DLC1: variants seen among roughly 807,000 people sequenced by gnomAD.
DLC1 encodes rho GTPase-activating protein 7.
DLC1 carries 54 observed loss-of-function variants against 140.3 expected under a neutral mutation model. That is an observed-to-expected ratio of 0.38 (90% confidence interval 0.31 to 0.48). The LOEUF is 0.48. Among genes scored for constraint, DLC1 ranks in the 20% least tolerant of loss-of-function variants. The pLI is 0.96. For missense variants in DLC1, 2,536 were observed against 1,907.0 expected (o/e 1.33, Z -6.14); for synonymous variants, 986 against 728.1 (o/e 1.35, Z -5.70).
At chr8:13,255,005 C>T (rs1475303369) in intron 5 of DLC1, among the ~76,000 whole-genome samples, 4 of 150,766 alleles carry the variant, frequency 2.7e-5, no homozygotes, top group African/African-American at 9.8e-5. Flanking sequence ...GAGATGGAGT[C>T]CCACTCTGTT....
At position 13,553,511 on chromosome 8, in the gene DLC1, T is replaced by G. The variant is rs188487884; in HGVS notation, c.-126+51026A>C. On this transcript the variant is annotated intron_variant, in intron 1 of 1. Transcript: ENST00000631382. ...TTTCCATTTTCTTCCCGGTTTTTAATTTTTAAATTAAAAATAAACTTGTGG... is the reference window on the plus strand; with the variant it reads ...TTTCCATTTTCTTCCCGGTTTTTAAGTTTTAAATTAAAAATAAACTTGTGG... Among the ~76,000 whole-genome samples, 3 of 151,982 alleles carry G rather than the reference T, an allele frequency of 2.0e-5. No homozygotes were observed. In the East Asian group the frequency reaches 5.8e-4, roughly 30 times the overall value.
chr8:13,147,206 G>A (rs956369150), intron 5 of DLC1, among the ~76,000 whole-genome samples: 9 of 152,288 alleles, frequency 5.9e-5, no homozygotes, highest in South Asian at 2.1e-4. Context: ...AAGTAAGACT[G>A]CCAGTCTCCT....
chr8:13,580,169 C>G lies in DLC1; in HGVS notation c.-126+24368G>C, dbSNP rs373469829. Among the ~76,000 whole-genome samples the G allele has an allele frequency of 1.4e-3, 205 of 149,962 alleles. 1 individual carries two copies. Among genetic ancestry groups the G allele is most frequent in the African/African-American group, 4.8e-3 (194 of 40,726 alleles). On this transcript the variant is annotated intron_variant, in intron 1 of 1. Transcript: ENST00000631382. ...ACAGAGTTTTGCTCTGTTGTCCAGG[C>G]TGGAGTGCAGTGGCGCAATCTCGGC... is the stretch of plus-strand genomic sequence containing the variant.
At chr8:13,588,789 TAGG>T (rs1805418237) in intron 1 of DLC1, among the ~76,000 whole-genome samples, 1 of 152,064 alleles carries the variant, frequency 6.6e-6, no homozygotes, top group African/African-American at 2.4e-5. Flanking sequence ...TTTATTAGAC[TAGG>T]AGAAGCATAG....
chr8:13,170,695 A>AGT, intron 5 of DLC1, among the ~76,000 whole-genome samples: 1 of 145,080 alleles, frequency 6.9e-6, no homozygotes, highest in Non-Finnish European at 1.5e-5. Context: ...GCGCCACTGC[A>AGT]CTCCAGCCTG....
At chr8:13,297,228 A>T (rs1227197820) in intron 5 of DLC1, among the ~76,000 whole-genome samples, 1 of 140,720 alleles carries the variant, frequency 7.1e-6, no homozygotes, top group African/African-American at 2.6e-5. Flanking sequence ...ATGTGTGGGC[A>T]TACCCTAAAT....
chr8:13,253,431 A>ATGTGTGTG (rs3065442), intron 5 of DLC1, among the ~76,000 whole-genome samples: 2,484 of 149,832 alleles, frequency 0.017, 36 homozygotes, highest in African/African-American at 0.036. Context: ...AATACATATT[A>ATGTGTGTG]TGTGTGTGTG....
chr8:13,532,435 A>T lies in DLC1; in HGVS notation c.-125-32239T>A, dbSNP rs560071241. Among the ~76,000 whole-genome samples the T allele has an allele frequency of 2.0e-5, 3 of 152,346 alleles. No homozygotes were observed. In the East Asian group the frequency reaches 5.8e-4, roughly 29 times the overall value. On this transcript the variant is annotated intron_variant, in intron 1 of 1. Coordinates refer to the DLC1 transcript ENST00000631382. Reference sequence around the variant, plus strand: ...GGCAAAACACAGCAAATGTTGTTGTAAGCCTGGTAAGAATTCTGAGAGGAA... The same window carrying T: ...GGCAAAACACAGCAAATGTTGTTGTTAGCCTGGTAAGAATTCTGAGAGGAA...
intron 6 of DLC1, among the ~76,000 whole-genome samples, chr8:13,111,613 G>A (rs1820118978): frequency 6.6e-6 from 1 of 152,178 alleles, no homozygotes; most frequent in Non-Finnish European, 1.5e-5. Context: ...ATATACCCAA[G>A]AAAAGGAGAG....
intron 1 of DLC1, among the ~76,000 whole-genome samples, chr8:13,570,902 T>A (rs1287314352): frequency 1.3e-5 from 2 of 152,142 alleles, no homozygotes; most frequent in Non-Finnish European, 2.9e-5. Flanking sequence ...ACCAGACCCC[T>A]GTCCTGCCAG....
At position 13,545,577 on chromosome 8, in the gene DLC1, TG is replaced by T. The variant is rs562620303; in HGVS notation, c.-125-45382del. ...CAATTGTAAATTGAATTCGTGGTGT[TG>T]TTGAACTCTATTTGTGTAATATACT... On this transcript the variant is annotated intron_variant, in intron 1 of 1. Transcript: ENST00000631382. 3.2e-3 allele frequency among the ~76,000 whole-genome samples: 489 copies of T among 152,236 alleles called. 3 individuals carry two copies. The highest frequency in any genetic ancestry group is 0.011 in the African/African-American group (466 of 41,552).
intron 5 of DLC1, among the ~76,000 whole-genome samples, chr8:13,257,089 C>T (rs1268232501): frequency 2.6e-5 from 4 of 151,940 alleles, no homozygotes; most frequent in Non-Finnish European, 5.9e-5. Context: ...CAAGTTCCAC[C>T]CTAAACTTCT....
intron 1 of DLC1, among the ~76,000 whole-genome samples, chr8:13,546,657 C>G (rs1803658061): frequency 6.6e-6 from 1 of 152,094 alleles, no homozygotes; most frequent in African/African-American, 2.4e-5. Context: ...ACCTTTTATT[C>G]CAGAATTCAC....
chr8:13,428,629 G>T (rs1838710607), intron 2 of DLC1, among the ~76,000 whole-genome samples: 1 of 152,158 alleles, frequency 6.6e-6, no homozygotes, highest in South Asian at 2.1e-4. Context: ...GGTGACTTGA[G>T]TTCAGAAGAA....
intron 5 of DLC1, among the ~76,000 whole-genome samples, chr8:13,271,916 G>T (rs1830948275): frequency 6.6e-6 from 1 of 152,184 alleles, no homozygotes; most frequent in Non-Finnish European, 1.5e-5. Flanking sequence ...GCCTCAAGCA[G>T]TCCTCCTGCT....
chr8:13,430,176 T>C (rs571299426), intron 2 of DLC1, among the ~76,000 whole-genome samples: 1 of 152,188 alleles, frequency 6.6e-6, no homozygotes, highest in Admixed American at 6.5e-5. Flanking sequence ...AGTTCTCAAA[T>C]TGGAGAGCGC....
intron 4 of DLC1, among the ~76,000 whole-genome samples, chr8:13,328,661 A>G (rs950687834): frequency 5.3e-5 from 8 of 152,086 alleles, no homozygotes; most frequent in South Asian, 4.2e-4. Context: ...TGGGGAGATG[A>G]GGACCTTATA....
intron 4 of DLC1, among the ~76,000 whole-genome samples, chr8:13,389,047 C>A (rs943559815): frequency 1.3e-5 from 2 of 151,944 alleles, no homozygotes; most frequent in Admixed American, 1.3e-4. Flanking sequence ...GGTGCCATAT[C>A]CTGTGTACTC....
At chr8:13,344,225 G>C (rs905232844) in intron 4 of DLC1, among the ~76,000 whole-genome samples, 8 of 152,184 alleles carry the variant, frequency 5.3e-5, no homozygotes, top group Non-Finnish European at 8.8e-5. Flanking sequence ...TGGCCGTGGT[G>C]GTTCATACCT....
Sources: gnomAD v4.1 joint callset for allele counts (sites outside exome capture counted in the v4.1 genomes callset) on GRCh38, gnomAD v4.1.1 for gene constraint, MANE v1.5 for transcripts, NCBI Gene and HGNC (gene_info 2026-07-23, HGNC 2026-07-21) for gene names.